EPHB2: variants seen among roughly 807,000 people sequenced by gnomAD.
The protein encoded by EPHB2 is ephrin type-B receptor 2.
Under a neutral mutation model 96.4 loss-of-function variants are expected in EPHB2, and 18 were observed. That is an observed-to-expected ratio of 0.19 (90% confidence interval 0.13 to 0.28). The LOEUF is 0.28. Among genes scored for constraint, EPHB2 ranks in the 10% least tolerant of loss-of-function variants. The pLI is 1.00. For synonymous variants in EPHB2, 506 were observed against 534.1 expected (o/e 0.95, Z 0.72); for missense variants, 989 against 1,355.4 (o/e 0.73, Z 4.25).
Position 22,912,489 on chromosome 1 carries a change from C to T in EPHB2, c.2742C>T (p.Ser914=), listed in dbSNP as rs779006437. The part of the protein sequence containing the change: ...LLDRTIPDYT[S]FNTVDEWLEA... ...ACCGCACGATCCCCGACTACACCAG[C>T]TTTAACACGGTGGACGAGTGGCTGG... The change falls in exon 15 of 16, where the codon AGC becomes AGT. Residue 914 remains serine, a synonymous_variant. Coordinates refer to ENST00000374630, the MANE Select transcript of EPHB2 (RefSeq NM_017449.5). The T allele has an allele frequency of 6.2e-7, 1 of 1,614,086 alleles. No individual in the cohort carries two copies. Among genetic ancestry groups the T allele is most frequent in the African/African-American group, 1.3e-5 (1 of 74,936 alleles).
intron 3 of EPHB2, among the ~76,000 whole-genome samples, chr1:22,814,088 T>C (rs1645039381): frequency 2.0e-5 from 3 of 152,016 alleles, no homozygotes. Context: ...AGGAGACTCT[T>C]GAACCTGGGA....
chr1:22,743,422 C>T (rs1643927871), intron 1 of EPHB2, among the ~76,000 whole-genome samples: 1 of 152,086 alleles, frequency 6.6e-6, no homozygotes, highest in Non-Finnish European at 1.5e-5. Context: ...GGATGGTCAT[C>T]ACTACTTCAT....
chr1:22,775,394 T>C, intron 1 of EPHB2: 1 of 678,796 alleles, frequency 1.5e-6, no homozygotes, highest in South Asian at 1.7e-5. Context: ...TTCTTCTTCA[T>C]GACTTTGGAA....
intron 3 of EPHB2, among the ~76,000 whole-genome samples, chr1:22,798,615 G>A (rs1490913259): frequency 6.6e-6 from 1 of 152,146 alleles, no homozygotes. Context: ...AGCCCACCGT[G>A]TGTCTGGGTC....
chr1:22,903,814 C>A (rs577474411), intron 9 of EPHB2, among the ~76,000 whole-genome samples: 2 of 152,232 alleles, frequency 1.3e-5, no homozygotes, highest in East Asian at 3.9e-4. Context: ...GAGCTTTATG[C>A]GTGTGCCAGG....
chr1:22,774,554 T>C (rs1300954075), intron 1 of EPHB2: 2 of 984,940 alleles, frequency 2.0e-6, no homozygotes, highest in Non-Finnish European at 2.4e-6. Context: ...AAGTCACCAG[T>C]GTTCAGGGAG....
At chr1:22,911,708 A>G (rs1472723897) in intron 14 of EPHB2, among the ~76,000 whole-genome samples, 3 of 152,150 alleles carry the variant, frequency 2.0e-5, no homozygotes, top group Non-Finnish European at 4.4e-5. Flanking sequence ...GCATCTGGCC[A>G]GGTATACTTA....
chr1:22,863,311 A>T, intron 4 of EPHB2, 119 bp downstream of exon 4: 1 of 1,526,786 alleles, frequency 6.5e-7, no homozygotes. Flanking sequence ...TGGTGGGAAG[A>T]GAAATGGAAA....
chr1:22,799,490 C>G (rs967869644), intron 3 of EPHB2, among the ~76,000 whole-genome samples: 2 of 152,172 alleles, frequency 1.3e-5, no homozygotes, highest in Non-Finnish European at 2.9e-5. Context: ...TATGACAGAG[C>G]AAGTTGTGAA....
At chr1:22,774,766 T>C in intron 1 of EPHB2, 1 of 283,534 alleles carries the variant, frequency 3.5e-6, no homozygotes, top group Non-Finnish European at 5.3e-6. Context: ...CCAGCTGCTG[T>C]GTGGAGGTTG....
chr1:22,774,897 C>T (rs1644428566), intron 1 of EPHB2, among the ~76,000 whole-genome samples: 1 of 152,166 alleles, frequency 6.6e-6, no homozygotes, highest in South Asian at 2.1e-4. Context: ...GATTCACCTA[C>T]ATGGTGTCAT....
At chr1:22,824,339 G>A (rs1570343745) in intron 3 of EPHB2, among the ~76,000 whole-genome samples, 1 of 152,058 alleles carries the variant, frequency 6.6e-6, no homozygotes, top group Non-Finnish European at 1.5e-5. Flanking sequence ...AAGAAGAAAG[G>A]CCTCCATCCA....
At chr1:22,817,711 TA>T (rs956170924) in intron 3 of EPHB2, among the ~76,000 whole-genome samples, 155 of 152,290 alleles carry the variant, frequency 1.0e-3, no homozygotes, top group African/African-American at 3.6e-3. Context: ...GCAGGCAGGC[TA>T]AAGGCGAGCC....
intron 3 of EPHB2, among the ~76,000 whole-genome samples, chr1:22,815,232 G>A (rs1038437592): frequency 2.6e-5 from 4 of 152,196 alleles, no homozygotes; most frequent in African/African-American, 9.7e-5. Flanking sequence ...CGCCGCCCTT[G>A]GAATCAGGAC....
intron 1 of EPHB2, among the ~76,000 whole-genome samples, chr1:22,749,503 G>C (rs1207568093): frequency 4.6e-5 from 7 of 152,242 alleles, no homozygotes; most frequent in Non-Finnish European, 5.9e-5. Flanking sequence ...GAAGGATTCA[G>C]ACCAAGGTGT....
rs1645549755 is a variant in EPHB2 at position 22,846,777 on chromosome 1, A to G, written c.812-16260A>G. Among the ~76,000 whole-genome samples the G allele has an allele frequency of 6.6e-6, 1 of 152,152 alleles. No individual in the cohort carries two copies. The highest frequency in any genetic ancestry group is 1.5e-5 in the Non-Finnish European group (1 of 68,026). On this transcript the variant is annotated intron_variant, in intron 3 of 15. Transcript: ENST00000374630. This position sits in a 1 kb window ranked among gnomAD's most constrained non-coding sequence, Gnocchi z 4.3. ...CTTGTCATTCTTAGTCTTCCAACGC[A>G]GCTCAAGTGTTTGCACCTCCAGGAA...
rs1381291444 is a variant in EPHB2, at chr1:22,906,752, G to T, written c.1931G>T (p.Gly644Val). The T allele has an allele frequency of 1.9e-6, 3 of 1,614,196 alleles. No individual in the cohort carries two copies. Among genetic ancestry groups the T allele is most frequent in the Non-Finnish European group, 2.5e-6 (3 of 1,180,036 alleles). Residue 644 changes from glycine to valine, a missense_variant, in exon 11 of 16, where the codon GGC becomes GTC. Gly to Val is a moderately radical substitution (Grantham distance 109). Transcript: ENST00000374630. This position sits in a 1 kb window ranked among gnomAD's most constrained non-coding sequence, Gnocchi z 4.8. ...EVCSGHLKLP[G>V]KREIFVAIKT... is the part of the protein sequence containing the mutation. Reference sequence around the variant, plus strand: ...TGCAGTGGCCACCTGAAGCTGCCAGGCAAGAGAGAGATCTTTGTGGCCATC... The same window carrying T: ...TGCAGTGGCCACCTGAAGCTGCCAGTCAAGAGAGAGATCTTTGTGGCCATC...
intron 3 of EPHB2, among the ~76,000 whole-genome samples, chr1:22,849,324 C>G (rs1645589710): frequency 6.6e-6 from 1 of 152,182 alleles, no homozygotes; most frequent in Non-Finnish European, 1.5e-5. Context: ...TTGTCCGTCT[C>G]CTTCGTGACC....
At chr1:22,752,646 T>C (rs903226120) in intron 1 of EPHB2, among the ~76,000 whole-genome samples, 2 of 151,292 alleles carry the variant, frequency 1.3e-5, no homozygotes, top group Non-Finnish European at 2.9e-5. Context: ...CTGAGCAGAG[T>C]TGGATCCAGG....
Sources: allele counts gnomAD v4.1 joint callset (sites outside exome capture counted in the v4.1 genomes callset), GRCh38; gene constraint gnomAD v4.1.1; non-coding constraint Gnocchi (gnomAD v3.1); transcripts MANE v1.5; gene names NCBI Gene and HGNC (gene_info 2026-07-23, HGNC 2026-07-21).